The following CORO1C variants were observed in gnomAD, a reference collection of about 807,000 sequenced individuals.
CORO1C encodes coronin-1C.
A neutral mutation model predicts 51.2 loss-of-function variants in CORO1C; 14 were observed. The ratio of observed to expected loss-of-function variants is 0.27; its 90% CI spans 0.18 to 0.43. The LOEUF (loss-of-function observed/expected upper bound fraction) is 0.43, where lower values mean the gene tolerates loss of function less well. CORO1C is among the 20% of genes least tolerant of loss of function. CORO1C has a pLI of 1.00. For synonymous variants in CORO1C, 181 were observed against 210.5 expected (o/e 0.86, Z 1.21); for missense variants, 417 against 607.8 (o/e 0.69, Z 3.30).
In CORO1C at chr12:108,695,413, C is replaced by T. The variant is rs11114025; in HGVS notation, c.195+5711G>A. ...AACCTGCACAAAAGGCTACCATATA[C>T]ATAGCCACCCAGTTTGCATCCTCTA... is the stretch of plus-strand genomic sequence containing the variant. On this transcript the variant is annotated intron_variant, in intron 2 of 10. Coordinates refer to ENST00000261401, the MANE Select transcript of CORO1C (RefSeq NM_014325.4). 3.0e-3 allele frequency among the ~76,000 whole-genome samples: 463 copies of T among 152,298 alleles called. 9 individuals are homozygous for T. In the East Asian group the frequency reaches 0.07, roughly 23 times the overall value.
At chr12:108,682,814 T>C (rs2034169647) in intron 2 of CORO1C, among the ~76,000 whole-genome samples, 1 of 152,168 alleles carries the variant, frequency 6.6e-6, no homozygotes, top group Admixed American at 6.5e-5. Flanking sequence ...CAATAGCAGG[T>C]AGAGCATCTT....
intron 4 of CORO1C, among the ~76,000 whole-genome samples, chr12:108,660,980 T>G (rs1195953181): frequency 6.6e-6 from 1 of 152,222 alleles, no homozygotes; most frequent in Non-Finnish European, 1.5e-5. Context: ...TCCTTTTTAC[T>G]GGTGAGGGGA....
intron 2 of CORO1C, among the ~76,000 whole-genome samples, chr12:108,688,087 C>T (rs1237730883): frequency 6.6e-6 from 1 of 151,954 alleles, no homozygotes; most frequent in African/African-American, 2.4e-5. Flanking sequence ...CCACGTCCAG[C>T]TAATTTTTGT....
At chr12:108,691,264 C>T (rs1467959137) in intron 2 of CORO1C, among the ~76,000 whole-genome samples, 3 of 152,250 alleles carry the variant, frequency 2.0e-5, no homozygotes, top group South Asian at 4.2e-4. Flanking sequence ...GCTCATTCTT[C>T]CCCAGACTCA....
At chr12:108,698,521 C>T (rs2034763470) in intron 2 of CORO1C, among the ~76,000 whole-genome samples, 1 of 152,250 alleles carries the variant, frequency 6.6e-6, no homozygotes, top group African/African-American at 2.4e-5. Flanking sequence ...ATTCTCCTGC[C>T]TCAGCCTCCT....
At position 108,654,225 on chromosome 12, in the gene CORO1C, C is replaced by A. The variant is rs2032824406; in HGVS notation, c.855+81G>T. On this transcript the variant is annotated intron_variant, in intron 7 of 10. Transcript: ENST00000261401. ...TTAGAAAAATTAAACAGATACAACACATTGCCCGTCCTCTAAATCTCTGAA... is the reference window on the plus strand; with the variant it reads ...TTAGAAAAATTAAACAGATACAACAAATTGCCCGTCCTCTAAATCTCTGAA... 7.8e-6 allele frequency: 7 copies of A among 893,548 alleles called. No individual in the cohort carries two copies. The Admixed American group carries it at 1.1e-4, about 14-fold the overall frequency. The allele number at this position is 893,548 out of a possible 1,614,324, so 55.4% of individuals were successfully genotyped here. A position where few individuals can be genotyped will look rare whatever the true frequency, so the allele number is the denominator to read the frequency against.
intron 2 of CORO1C, among the ~76,000 whole-genome samples, chr12:108,700,108 C>G (rs2034818664): frequency 6.9e-6 from 1 of 145,214 alleles, no homozygotes; most frequent in African/African-American, 2.5e-5. Flanking sequence ...ATCACATGAT[C>G]CATTGTGATG....
chr12:108,727,570 A>G (rs2035622538), intron 1 of CORO1C, among the ~76,000 whole-genome samples: 1 of 152,224 alleles, frequency 6.6e-6, no homozygotes, highest in East Asian at 1.9e-4. Context: ...GAACAGGTGA[A>G]TGGCATGTTC....
At chr12:108,695,860 A>AC (rs2034659127) in intron 2 of CORO1C, among the ~76,000 whole-genome samples, 1 of 151,492 alleles carries the variant, frequency 6.6e-6, no homozygotes, top group African/African-American at 2.4e-5. Context: ...CTAAAAAAAA[A>AC]AAAAAAAAAA....
intron 3 of CORO1C, among the ~76,000 whole-genome samples, chr12:108,676,564 G>A (rs35299953): frequency 4.3e-4 from 66 of 152,086 alleles, no homozygotes; most frequent in Non-Finnish European, 8.2e-4. Context: ...TTGAGGTCAG[G>A]AGTTCGAGAC....
chr12:108,650,101 T>C (rs2032572964), intron 8 of CORO1C, among the ~76,000 whole-genome samples: 1 of 151,868 alleles, frequency 6.6e-6, no homozygotes, highest in Non-Finnish European at 1.5e-5. Context: ...CATCATCCTC[T>C]TTAAAAGGAA....
At chr12:108,652,886 G>A (rs1226835587) in intron 7 of CORO1C, among the ~76,000 whole-genome samples, 2 of 51,488 alleles carry the variant, frequency 3.9e-5, no homozygotes, top group Non-Finnish European at 7.1e-5. Flanking sequence ...TTCTAATGAA[G>A]AAACTCAGTT....
intron 1 of CORO1C, among the ~76,000 whole-genome samples, chr12:108,713,024 G>A (rs78457084): frequency 6.7e-6 from 1 of 150,204 alleles, no homozygotes. Flanking sequence ...TTTACCTAAC[G>A]AATTGCATAT....
At chr12:108,669,032 T>C (rs566559045) in intron 3 of CORO1C, among the ~76,000 whole-genome samples, 67 of 152,346 alleles carry the variant, frequency 4.4e-4, no homozygotes, top group Non-Finnish European at 8.2e-4. Context: ...TGCTGTGTGA[T>C]AGTATAAAAT....
chr12:108,714,215 C>T (rs1025963165), intron 1 of CORO1C, among the ~76,000 whole-genome samples: 1 of 151,672 alleles, frequency 6.6e-6, no homozygotes, highest in Admixed American at 6.6e-5. Flanking sequence ...ATAGTGAAAC[C>T]CCATCTCTAC....
At chr12:108,656,283 G>T (rs2032994820) in intron 6 of CORO1C, among the ~76,000 whole-genome samples, 1 of 149,708 alleles carries the variant, frequency 6.7e-6, no homozygotes, top group Non-Finnish European at 1.5e-5. Flanking sequence ...CGTCCGGGAG[G>T]GAGGTGGGGG....
At chr12:108,665,213 C>T (rs2033427951) in intron 3 of CORO1C, among the ~76,000 whole-genome samples, 1 of 152,124 alleles carries the variant, frequency 6.6e-6, no homozygotes, top group Admixed American at 6.5e-5. Context: ...TAGCTTCTCC[C>T]CATCATCTTT....
intron 2 of CORO1C, among the ~76,000 whole-genome samples, chr12:108,690,514 A>T (rs1030891470): frequency 6.6e-6 from 1 of 152,018 alleles, no homozygotes; most frequent in African/African-American, 2.4e-5. Flanking sequence ...ACCATATTTT[A>T]AAATCAATTA....
intron 1 of CORO1C, among the ~76,000 whole-genome samples, chr12:108,714,413 A>G (rs939594411): frequency 1.3e-5 from 2 of 150,994 alleles, no homozygotes; most frequent in African/African-American, 4.9e-5. Context: ...AAAAAAAAAA[A>G]AAGAGGAACA....
Sources: gnomAD v4.1 joint callset for allele counts (sites outside exome capture counted in the v4.1 genomes callset) on GRCh38, gnomAD v4.1.1 for gene constraint, MANE v1.5 for transcripts, NCBI Gene and HGNC (gene_info 2026-07-23, HGNC 2026-07-21) for gene names.